The following PVT1 variants were observed in gnomAD, a reference collection of about 807,000 sequenced individuals.
The protein encoded by PVT1 is CXCR4/PVT1 fusion.
chr8:127,865,976 G>T (rs552433277), intron 2 of PVT1, among the ~76,000 whole-genome samples: 1 of 152,302 alleles, frequency 6.6e-6, no homozygotes, highest in African/African-American at 2.4e-5. Flanking sequence ...AGTAGGCAGG[G>T]TTTGCAGATC....
intron 3 of PVT1, among the ~76,000 whole-genome samples, chr8:127,938,039 G>A (rs1816300694): frequency 1.3e-5 from 2 of 152,120 alleles, no homozygotes; most frequent in Non-Finnish European, 2.9e-5. Context: ...TTCCCTCAGC[G>A]GAAGCCAGCT....
intron 4 of PVT1, among the ~76,000 whole-genome samples, chr8:128,034,400 GGT>G (rs1173551445): frequency 6.6e-6 from 1 of 152,208 alleles, no homozygotes; most frequent in African/African-American, 2.4e-5. Flanking sequence ...TCACCACCTG[GGT>G]GGAGTTGCTG....
rs185449996 is a variant in PVT1 at position 128,067,283 on chromosome 8, T to A, written n.913-2877T>A. Among the ~76,000 whole-genome samples, 277 of 152,232 alleles carry A rather than the reference T, an allele frequency of 1.8e-3. 1 individual carries two copies. Among genetic ancestry groups the A allele is most frequent in the Admixed American group, 4.4e-3 (67 of 15,280 alleles). On this transcript the variant is annotated intron_variant and non_coding_transcript_variant, in intron 4 of 10. Coordinates refer to ENST00000651587, the Ensembl canonical transcript of PVT1. ...TGATAACAGGCACTTGAGAAATAAG[T>A]TTTTAAAGAGTTGATTGGATTGGTG...
intron 4 of PVT1, among the ~76,000 whole-genome samples, chr8:128,022,862 ATT>A (rs57327175): frequency 3.2e-4 from 43 of 133,944 alleles, no homozygotes; most frequent in Admixed American, 3.9e-4. Context: ...GCAAGCTGAG[ATT>A]TTTTTTTTTT....
Position 127,997,043 on chromosome 8 carries a change from C to CG in PVT1, n.912+7753dup, listed in dbSNP as rs201294706. On this transcript the variant is annotated intron_variant and non_coding_transcript_variant, in intron 4 of 10. Transcript: ENST00000651587. ...GGAACATTCACTGGTCATTTGCTTT[C>CG]GTTTTTTTTTTTTGTTTGTTTGTTT... Among the ~76,000 whole-genome samples the CG allele has an allele frequency of 1.4e-3, 76 of 54,652 alleles. 1 individual carries two copies. Among genetic ancestry groups the CG allele is most frequent in the South Asian group, 3.1e-3 (3 of 954 alleles). 35.9% of individuals were successfully genotyped at this position (54,652 alleles called of 152,430 possible). A position where few individuals can be genotyped will look rare whatever the true frequency, so the allele number is the denominator to read the frequency against.
At chr8:127,923,456 C>A (rs1226492098) in intron 3 of PVT1, among the ~76,000 whole-genome samples, 1 of 152,066 alleles carries the variant, frequency 6.6e-6, no homozygotes, top group Non-Finnish European at 1.5e-5. Context: ...CAGAGGAGGA[C>A]GAGGAGGATG....
intron 2 of PVT1, among the ~76,000 whole-genome samples, chr8:127,850,761 G>A (rs1189411591): frequency 6.6e-6 from 1 of 152,228 alleles, no homozygotes; most frequent in Non-Finnish European, 1.5e-5. Flanking sequence ...GCTCACGCCT[G>A]TAATCCCAGC....
At chr8:127,826,144 G>GCTAC (rs1264790128) in intron 2 of PVT1, among the ~76,000 whole-genome samples, 1 of 151,200 alleles carries the variant, frequency 6.6e-6, no homozygotes, top group Admixed American at 6.6e-5. Flanking sequence ...ATAGGCATGA[G>GCTAC]CTACCGCTAC....
chr8:127,898,788 C>T lies in PVT1; in HGVS notation n.782+7790C>T, dbSNP rs1158474069. On this transcript the variant is annotated intron_variant and non_coding_transcript_variant, in intron 3 of 10. Coordinates refer to ENST00000651587, the Ensembl canonical transcript of PVT1. This position sits in a 1 kb window ranked among gnomAD's most constrained non-coding sequence, Gnocchi z 4.4. ...TAGCCTTGTTAAAATAGTGGCCACA[C>T]GCTGATAGCTGGATTTCCAGTGCAG... Among the ~76,000 whole-genome samples, 1 of 152,178 alleles carries T rather than the reference C, an allele frequency of 6.6e-6. No individual in the cohort carries two copies. The highest frequency in any genetic ancestry group is 1.5e-5 in the Non-Finnish European group (1 of 68,038).
intron 4 of PVT1, among the ~76,000 whole-genome samples, chr8:128,006,812 G>C (rs1817253007): frequency 6.6e-6 from 1 of 152,104 alleles, no homozygotes; most frequent in African/African-American, 2.4e-5. Context: ...TTTGTGCTCA[G>C]ATTTTTCTAG....
intron 2 of PVT1, among the ~76,000 whole-genome samples, chr8:127,879,866 G>T (rs1372357596): frequency 6.6e-6 from 1 of 152,220 alleles, no homozygotes; most frequent in Middle Eastern, 3.2e-3. Context: ...TGTGCCCAGC[G>T]CACCCTTCTC....
At chr8:127,874,115 T>C (rs111388036) in intron 2 of PVT1, among the ~76,000 whole-genome samples, 1,740 of 152,294 alleles carry the variant, frequency 0.011, 39 homozygotes, top group African/African-American at 0.04. Context: ...ATGGAGAAAA[T>C]ACAGTCTGCA....
At chr8:127,960,825 A>T in intron 3 of PVT1, 1 of 270,964 alleles carries the variant, frequency 3.7e-6, no homozygotes, top group Non-Finnish European at 7.7e-6. Context: ...CAATAGTTTA[A>T]TTGAGCACAT....
intron 4 of PVT1, among the ~76,000 whole-genome samples, chr8:128,067,357 T>C (rs1220730419): frequency 6.6e-6 from 1 of 152,124 alleles, no homozygotes; most frequent in African/African-American, 2.4e-5. Context: ...AGTCATCTAA[T>C]GGGCATTGTC....
chr8:128,028,344 G>A (rs962343188), intron 4 of PVT1, among the ~76,000 whole-genome samples: 8 of 152,228 alleles, frequency 5.3e-5, no homozygotes, highest in African/African-American at 1.9e-4. Context: ...TTGCGTCCAG[G>A]GCCACAGGCT....
At chr8:127,799,455 C>T (rs1814437286) in intron 2 of PVT1, among the ~76,000 whole-genome samples, 1 of 152,050 alleles carries the variant, frequency 6.6e-6, no homozygotes, top group South Asian at 2.1e-4. Context: ...TTCAAGGAAA[C>T]AAGATACACA....
chr8:127,839,517 T>G (rs1157768560), intron 2 of PVT1, among the ~76,000 whole-genome samples: 1 of 144,402 alleles, frequency 6.9e-6, no homozygotes, highest in Non-Finnish European at 1.5e-5. Context: ...GCCACTGCAC[T>G]CCAGCCTGGG....
chr8:127,853,312 G>A (rs998656009), intron 2 of PVT1, among the ~76,000 whole-genome samples: 1 of 152,176 alleles, frequency 6.6e-6, no homozygotes, highest in African/African-American at 2.4e-5. Flanking sequence ...AATGGGCTGA[G>A]GGAGATTCTG....
At chr8:127,991,313 T>C (rs182876636) in intron 4 of PVT1, among the ~76,000 whole-genome samples, 1 of 152,066 alleles carries the variant, frequency 6.6e-6, no homozygotes, top group Admixed American at 6.5e-5. Context: ...TGGCTACTTT[T>C]TTTTGTATTT....
Sources: allele counts gnomAD v4.1 joint callset (sites outside exome capture counted in the v4.1 genomes callset), GRCh38; gene constraint gnomAD v4.1.1; non-coding constraint Gnocchi (gnomAD v3.1); transcripts MANE v1.5; gene names NCBI Gene and HGNC (gene_info 2026-07-23, HGNC 2026-07-21).